The following PARP1 variants were observed in gnomAD, a reference collection of about 807,000 sequenced individuals.
PARP1 encodes the protein poly [ADP-ribose] polymerase 1.
A neutral mutation model predicts 118.7 loss-of-function variants in PARP1; 44 were observed. The ratio of observed to expected loss-of-function variants is 0.37; its 90% CI spans 0.29 to 0.48. The LOEUF (loss-of-function observed/expected upper bound fraction) is 0.48. PARP1 is among the 20% of genes least tolerant of loss of function. The pLI is 0.99. For missense variants in PARP1, 1,100 were observed against 1,272.4 expected (o/e 0.86, Z 2.06); for synonymous variants, 492 against 483.2 (o/e 1.02, Z -0.24).
intron 5 of PARP1, among the ~76,000 whole-genome samples, chr1:226,387,122 A>G (rs531643954): frequency 6.6e-6 from 1 of 152,286 alleles, no homozygotes; most frequent in African/African-American, 2.4e-5. Context: ...AGCTGGGATT[A>G]CAGGTGTGCA....
At chr1:226,382,653 G>A (rs939967985) in intron 8 of PARP1, among the ~76,000 whole-genome samples, 1 of 152,198 alleles carries the variant, frequency 6.6e-6, no homozygotes, top group Non-Finnish European at 1.5e-5. Flanking sequence ...AGCCTCCTGA[G>A]TATCTAGGGC....
chr1:226,393,947 C>CA (rs1664866693), intron 2 of PARP1, among the ~76,000 whole-genome samples: 1 of 151,746 alleles, frequency 6.6e-6, no homozygotes, highest in Non-Finnish European at 1.5e-5. Context: ...TTTAATGAGG[C>CA]AAAAAAATAC....
chr1:226,393,555 C>A (rs1480899703), intron 2 of PARP1, among the ~76,000 whole-genome samples: 4 of 152,298 alleles, frequency 2.6e-5, no homozygotes, highest in South Asian at 4.1e-4. Flanking sequence ...TAATGACACA[C>A]AAGATGACCT....
intron 7 of PARP1, among the ~76,000 whole-genome samples, chr1:226,384,253 CGGT>C (rs967210901): frequency 2.0e-5 from 3 of 152,038 alleles, no homozygotes; most frequent in African/African-American, 7.2e-5. Flanking sequence ...GCAAGACTGG[CGGT>C]GGGGTGGGGA....
intron 5 of PARP1, among the ~76,000 whole-genome samples, chr1:226,386,693 G>A (rs749103810): frequency 3.9e-4 from 59 of 152,260 alleles, no homozygotes; most frequent in Non-Finnish European, 4.1e-4. Flanking sequence ...GTGTGGGGGA[G>A]ACTGCACCAA....
At chr1:226,392,578 A>G (rs2102742215) in intron 2 of PARP1, 1 of 553,054 alleles carries the variant, frequency 1.8e-6, no homozygotes, top group South Asian at 2.1e-5. Flanking sequence ...CTGACATTCC[A>G]TCTCCTCCCC....
At chr1:226,392,392 C>T (rs2280712) in intron 2 of PARP1, 78 bp from the exon 3 acceptor site, 151,592 of 954,124 alleles carry the variant, frequency 0.16, 13,768 homozygotes, top group East Asian at 0.33. Context: ...CCTCTTCTAC[C>T]TCCCCAGGAT....
chr1:226,404,594 C>T (rs1324130022), intron 1 of PARP1, among the ~76,000 whole-genome samples: 1 of 152,252 alleles, frequency 6.6e-6, no homozygotes, highest in Non-Finnish European at 1.5e-5. Flanking sequence ...CCCAATGGTG[C>T]AATCACAGCA....
chr1:226,388,827 G>A, intron 4 of PARP1, 72 bp from the exon 5 acceptor site: 2 of 1,122,068 alleles, frequency 1.8e-6, no homozygotes, highest in South Asian at 1.2e-5. Flanking sequence ...TTGCGGTGAT[G>A]CAGTATCTTA....
At position 226,396,111 on chromosome 1, in the gene PARP1, C is replaced by T. The variant is rs1262180946; in HGVS notation, c.287-3797G>A. On this transcript the variant is annotated intron_variant, in intron 2 of 22. Coordinates refer to ENST00000366794, the MANE Select transcript of PARP1 (RefSeq NM_001618.4). ...CTATAATCCCAGCACTTTGGGAGGC[C>T]GAGGCAGGTAGATCACCTGAGGTCA... Among the ~76,000 whole-genome samples the T allele has an allele frequency of 5.3e-5, 8 of 152,044 alleles. No homozygotes were observed. In the East Asian group the frequency reaches 9.6e-4, roughly 18 times the overall value.
chr1:226,399,896 A>G (rs1432628068), intron 2 of PARP1, among the ~76,000 whole-genome samples: 1 of 152,198 alleles, frequency 6.6e-6, no homozygotes, highest in Non-Finnish European at 1.5e-5. Flanking sequence ...TATAAGAAAA[A>G]AAGTCTACAT....
At chr1:226,365,264 G>A in intron 18 of PARP1, 110 bp from the exon 19 acceptor site, 1 of 1,200,682 alleles carries the variant, frequency 8.3e-7, no homozygotes, top group Non-Finnish European at 1.2e-6. Flanking sequence ...CCTAAGGCTA[G>A]AAGACTTAAG....
intron 2 of PARP1, among the ~76,000 whole-genome samples, chr1:226,398,040 C>T (rs1380216215): frequency 6.7e-6 from 1 of 150,218 alleles, no homozygotes; most frequent in East Asian, 1.9e-4. Context: ...AAATGGATAA[C>T]AGACCTAAAT....
chr1:226,406,384 G>A (rs970407270), intron 1 of PARP1, among the ~76,000 whole-genome samples: 2 of 152,188 alleles, frequency 1.3e-5, no homozygotes, highest in African/African-American at 4.8e-5. Flanking sequence ...AGGCTGCCTT[G>A]TATATTCAAA....
At chr1:226,381,333 C>T (rs928748004) in intron 8 of PARP1, 125 bp from the exon 9 acceptor site, 41 of 1,087,908 alleles carry the variant, frequency 3.8e-5, no homozygotes, top group Non-Finnish European at 4.7e-5. Context: ...AATACACTCG[C>T]GAGAAAACAG....
chr1:226,380,419 C>T (rs1664580921), intron 9 of PARP1, among the ~76,000 whole-genome samples: 1 of 152,154 alleles, frequency 6.6e-6, no homozygotes, highest in Non-Finnish European at 1.5e-5. Flanking sequence ...GAAAAAACAC[C>T]CTGATGTCAA....
At position 226,380,018 on chromosome 1, in the gene PARP1, C is replaced by T. The variant is rs1199030913; in HGVS notation, c.1447G>A (p.Ala483Thr). 2 of 1,614,158 alleles carry T rather than the reference C, an allele frequency of 1.2e-6. No individual in the cohort carries two copies. Among genetic ancestry groups the T allele is most frequent in the Non-Finnish European group, 8.5e-7 (1 of 1,180,014 alleles). ...TCAACAGGCTCTGCCTTCACCTCTG[C>T]CCCCCAAGGGGACAAGATGTGCGCT... is the stretch of plus-strand genomic sequence containing the variant. Reference protein sequence around the residue: ...FLAHILSPWGAEVKAEPVEVV... With the variant: ...FLAHILSPWGTEVKAEPVEVV... The change falls in exon 10 of 23, where the codon GCA becomes ACA. Residue 483 changes from alanine to threonine, a missense_variant. This residue lies in a region of PARP1 where 948 missense variants were observed against 1,031.8 expected (regional missense o/e 0.92). Coordinates refer to ENST00000366794, the MANE Select transcript of PARP1 (RefSeq NM_001618.4).
chr1:226,376,974 G>A (rs1576394686), intron 13 of PARP1, 134 bp downstream of exon 13: 1 of 837,728 alleles, frequency 1.2e-6, no homozygotes, highest in Non-Finnish European at 2.0e-6. Flanking sequence ...AATTTGTGAA[G>A]GACTATTATT....
At chr1:226,374,646 G>A (rs954667221) in intron 13 of PARP1, among the ~76,000 whole-genome samples, 11 of 152,180 alleles carry the variant, frequency 7.2e-5, no homozygotes, top group Non-Finnish European at 1.5e-5. Context: ...GGGGTTGCTG[G>A]TCCCTGCCTG....
Sources: allele counts gnomAD v4.1 joint callset (sites outside exome capture counted in the v4.1 genomes callset), GRCh38; gene constraint gnomAD v4.1.1; regional missense constraint gnomAD v4.1.1; transcripts MANE v1.5; gene names NCBI Gene and HGNC (gene_info 2026-07-23, HGNC 2026-07-21).